The following KAZN variants were observed in gnomAD, a reference collection of about 807,000 sequenced individuals.
KAZN encodes the protein kazrin.
Under a neutral mutation model 87.4 loss-of-function variants are expected in KAZN, and 40 were observed. The observed-to-expected ratio is 0.46, with a 90% confidence interval of 0.36 to 0.60. The LOEUF (loss-of-function observed/expected upper bound fraction) is 0.60, where lower values mean the gene tolerates loss of function less well. Ranked by LOEUF, KAZN falls within the 20% of genes least tolerant of loss-of-function variation. The pLI is 0.00. For synonymous variants in KAZN, 466 were observed against 458.3 expected, an observed-to-expected ratio of 1.02 and a Z score of -0.22; for missense variants, 898 against 1,073.9, an observed-to-expected ratio of 0.84 and a Z score of 2.29.
chr1:14,212,876 T>TA (rs1247028474), intron 2 of KAZN, among the ~76,000 whole-genome samples: 2 of 152,214 alleles, frequency 1.3e-5, no homozygotes, highest in Non-Finnish European at 2.9e-5. Flanking sequence ...GCAATGCAAA[T>TA]ACATGAAAAT....
intron 4 of KAZN, among the ~76,000 whole-genome samples, chr1:15,047,285 G>A (rs1380808324): frequency 6.6e-6 from 1 of 152,188 alleles, no homozygotes; most frequent in Admixed American, 6.5e-5. Context: ...CCGCCAGGCT[G>A]TGTTGCCTGC....
chr1:15,057,808 G>A (rs1638425661), intron 5 of KAZN, among the ~76,000 whole-genome samples: 2 of 152,220 alleles, frequency 1.3e-5, no homozygotes, highest in South Asian at 4.1e-4. Context: ...GGAGGGCAGA[G>A]GTGCAATTTG....
intron 1 of KAZN, among the ~76,000 whole-genome samples, chr1:13,964,090 A>AT (rs1166190141): frequency 6.6e-6 from 1 of 152,132 alleles, no homozygotes; most frequent in Non-Finnish European, 1.5e-5. Context: ...CTCTTCATCC[A>AT]TTTTTTAAAA....
chr1:14,684,258 T>C (rs545160065), intron 1 of KAZN, among the ~76,000 whole-genome samples: 37 of 152,296 alleles, frequency 2.4e-4, no homozygotes, highest in African/African-American at 8.4e-4. Flanking sequence ...GGAATCAGCG[T>C]TGGGGCTGTG....
intron 2 of KAZN, among the ~76,000 whole-genome samples, chr1:14,313,881 G>C (rs1238925486): frequency 6.6e-6 from 1 of 151,968 alleles, no homozygotes; most frequent in Non-Finnish European, 1.5e-5. Context: ...TTTCCAAAAG[G>C]GTTGGGAATC....
intron 1 of KAZN, among the ~76,000 whole-genome samples, chr1:14,954,155 G>A (rs1002844534): frequency 4.6e-5 from 7 of 152,212 alleles, no homozygotes; most frequent in Admixed American, 2.0e-4. Flanking sequence ...CCTGAGGGCA[G>A]CACCATTGGT....
At chr1:14,558,491 T>C (rs974891787) in intron 2 of KAZN, among the ~76,000 whole-genome samples, 7 of 152,274 alleles carry the variant, frequency 4.6e-5, no homozygotes, top group Middle Eastern at 3.4e-3. Flanking sequence ...TAAATACAGA[T>C]TGGTAATATT....
intron 2 of KAZN, among the ~76,000 whole-genome samples, chr1:14,363,075 G>A (rs759304829): frequency 6.6e-5 from 10 of 152,074 alleles, no homozygotes; most frequent in Non-Finnish European, 1.5e-4. Context: ...CTGGCTCTCT[G>A]GCTCTAGAAG....
At chr1:14,551,839 A>G (rs1366052660) in intron 2 of KAZN, among the ~76,000 whole-genome samples, 1 of 152,184 alleles carries the variant, frequency 6.6e-6, no homozygotes, top group African/African-American at 2.4e-5. Flanking sequence ...CAGGGGAATT[A>G]GGAAAAGAAT....
chr1:14,833,842 G>A (rs966701297), intron 1 of KAZN, among the ~76,000 whole-genome samples: 17 of 152,074 alleles, frequency 1.1e-4, no homozygotes, highest in Admixed American at 2.6e-4. Flanking sequence ...GGTGGTGGCC[G>A]CCTCGTTCAG....
At chr1:14,193,671 T>C (rs868462013) in intron 2 of KAZN, among the ~76,000 whole-genome samples, 4,135 of 152,096 alleles carry the variant, frequency 0.027, 185 homozygotes, top group African/African-American at 0.094. Context: ...GTTTTTTTTT[T>C]TTTTTTTTAC....
intron 8 of KAZN, among the ~76,000 whole-genome samples, chr1:15,091,694 G>A (rs1640541209): frequency 6.6e-6 from 1 of 152,176 alleles, no homozygotes; most frequent in Admixed American, 6.5e-5. Flanking sequence ...TCCCGTGACA[G>A]GACTTTTTAT....
rs971750390 is a variant in KAZN at position 15,114,767 on chromosome 1, C to T, written c.*132C>T. On this transcript the variant is annotated 3_prime_UTR_variant, in exon 15 of 15. Transcript: ENST00000376030. The stretch of plus-strand genomic sequence containing the variant: ...TGTCCCTTGCTCCTGGGCAAAATCC[C>T]GATGGACTCTGCGGTTTCAGCTCCA... 30 of 891,146 alleles carry T rather than the reference C, an allele frequency of 3.4e-5. No individual in the cohort carries two copies. Among genetic ancestry groups the T allele is most frequent in the Middle Eastern group, 3.5e-4 (1 of 2,858 alleles). The allele number at this position is 891,146 out of a possible 1,614,324, so 55.2% of individuals were successfully genotyped here.
At chr1:14,538,975 G>A (rs1210419058) in intron 2 of KAZN, among the ~76,000 whole-genome samples, 1 of 152,150 alleles carries the variant, frequency 6.6e-6, no homozygotes, top group Non-Finnish European at 1.5e-5. Flanking sequence ...GGATGGGGAG[G>A]AGGTCCTCGG....
intron 8 of KAZN, among the ~76,000 whole-genome samples, chr1:15,093,115 C>T (rs1200705168): frequency 3.3e-5 from 5 of 152,046 alleles, no homozygotes; most frequent in Non-Finnish European, 4.4e-5. Context: ...AAATAAATTA[C>T]GGAGCCTCCT....
chr1:14,620,332 A>G (rs1187516570), intron 1 of KAZN, among the ~76,000 whole-genome samples: 1 of 152,246 alleles, frequency 6.6e-6, no homozygotes, highest in East Asian at 1.9e-4. Context: ...AGAGTATTCA[A>G]TGCGTTCATT....
intron 1 of KAZN, among the ~76,000 whole-genome samples, chr1:14,928,312 G>T (rs1411434403): frequency 6.6e-6 from 1 of 152,120 alleles, no homozygotes; most frequent in Non-Finnish European, 1.5e-5. Context: ...AGCCGGGCGT[G>T]TTGGCGGGCG....
intron 1 of KAZN, among the ~76,000 whole-genome samples, chr1:14,863,726 A>G (rs1296953523): frequency 1.3e-5 from 2 of 152,088 alleles, no homozygotes; most frequent in East Asian, 3.9e-4. Flanking sequence ...GGAATAATGA[A>G]CTCAGCTGAG....
intron 2 of KAZN, among the ~76,000 whole-genome samples, chr1:14,294,415 G>A (rs1344896186): frequency 6.6e-6 from 1 of 151,984 alleles, no homozygotes; most frequent in African/African-American, 2.4e-5. Flanking sequence ...GTCATGGTTG[G>A]TACATGCCAT....
Sources: gnomAD v4.1 joint callset for allele counts (sites outside exome capture counted in the v4.1 genomes callset) on GRCh38, gnomAD v4.1.1 for gene constraint, MANE v1.5 for transcripts, NCBI Gene and HGNC (gene_info 2026-07-23, HGNC 2026-07-21) for gene names.